The following XKR9 variants were observed in gnomAD, a reference collection of about 807,000 sequenced individuals.
XKR9 encodes XK-related protein 9.
Under a neutral mutation model 32.0 loss-of-function variants are expected in XKR9, and 32 were observed. That is an observed-to-expected ratio of 1.00 (90% confidence interval 0.76 to 1.34). The LOEUF is 1.34. Among genes scored for constraint, XKR9 ranks in the 40% most tolerant of loss-of-function variants. XKR9 has a pLI of 0.00. For synonymous variants in XKR9, 168 were observed against 143.4 expected, an observed-to-expected ratio of 1.17 and a Z score of -1.22; for missense variants, 546 against 429.7, an observed-to-expected ratio of 1.27 and a Z score of -2.39.
At chr8:70,692,179 C>T (rs115075040) in intron 3 of XKR9, among the ~76,000 whole-genome samples, 1,585 of 151,970 alleles carry the variant, frequency 0.01, 26 homozygotes, top group African/African-American at 0.036. Context: ...TTGGTGGCAA[C>T]TGTGAATGGT....
the XKR9 span, among the ~76,000 whole-genome samples, chr8:70,867,116 A>C: frequency 6.6e-6 from 1 of 152,190 alleles, no homozygotes; most frequent in Non-Finnish European, 1.5e-5. Context: ...GGGAGGCCTC[A>C]CAATCATGGC....
chr8:70,984,873 G>A, the XKR9 span, among the ~76,000 whole-genome samples: 1 of 152,186 alleles, frequency 6.6e-6, no homozygotes, highest in African/African-American at 2.4e-5. Context: ...TGGAAAGTCT[G>A]TAAAATGTAA....
chr8:70,971,528 T>C, the XKR9 span, among the ~76,000 whole-genome samples: 1 of 152,180 alleles, frequency 6.6e-6, no homozygotes, highest in Non-Finnish European at 1.5e-5. Context: ...GGTCATGAAA[T>C]CTTTGCCTAA....
At chr8:70,670,819 C>G in intron 1 of XKR9, among the ~76,000 whole-genome samples, 1 of 152,288 alleles carries the variant, frequency 6.6e-6, no homozygotes, top group East Asian at 1.9e-4. Flanking sequence ...AACCAAATCT[C>G]CTACATCAGG....
the XKR9 span, among the ~76,000 whole-genome samples, chr8:71,027,906 A>G: frequency 6.6e-6 from 1 of 151,604 alleles, no homozygotes; most frequent in Admixed American, 6.6e-5. Context: ...AGTAGCTGGG[A>G]CTACAGGAGT....
chr8:71,013,110 T>C, the XKR9 span, among the ~76,000 whole-genome samples: 1 of 152,090 alleles, frequency 6.6e-6, no homozygotes, highest in African/African-American at 2.4e-5. Context: ...GAAGTTGAAA[T>C]AATTGCGGTA....
intron 2 of XKR9, among the ~76,000 whole-genome samples, chr8:70,773,995 AT>A (rs34711620): frequency 0.32 from 48,526 of 151,946 alleles, 9,119 homozygotes; most frequent in Non-Finnish European, 0.43. Context: ...ATACTTTTCA[AT>A]TTTTCTTTGT....
the XKR9 span, among the ~76,000 whole-genome samples, chr8:70,847,073 G>T: frequency 6.6e-6 from 1 of 151,580 alleles, no homozygotes. Context: ...CATTCTCCAG[G>T]GTAGATCATA....
the XKR9 span, among the ~76,000 whole-genome samples, chr8:70,830,770 C>A: frequency 1.4e-3 from 206 of 152,228 alleles, 1 homozygote; most frequent in South Asian, 1.0e-2. Context: ...CTCACAACTA[C>A]CTTATGAAGT....
At chr8:70,913,007 C>T in the XKR9 span, among the ~76,000 whole-genome samples, 2 of 152,098 alleles carry the variant, frequency 1.3e-5, no homozygotes, top group South Asian at 4.1e-4. Context: ...TTTTCTAGCA[C>T]ATGAAAAAAA....
intron 2 of XKR9, among the ~76,000 whole-genome samples, chr8:70,750,101 T>G (rs1807117847): frequency 6.6e-6 from 1 of 152,196 alleles, no homozygotes; most frequent in African/African-American, 2.4e-5. Context: ...TTTCTCTTAT[T>G]TTTTTCTGGA....
chr8:70,858,042 T>C, the XKR9 span, among the ~76,000 whole-genome samples: 1 of 152,174 alleles, frequency 6.6e-6, no homozygotes, highest in Non-Finnish European at 1.5e-5. Flanking sequence ...AGCATTCCCT[T>C]TGAAAACTGG....
At chr8:70,797,404 C>T in the XKR9 span, among the ~76,000 whole-genome samples, 6 of 152,190 alleles carry the variant, frequency 3.9e-5, no homozygotes, top group East Asian at 9.7e-4. Flanking sequence ...CTTGGATTTG[C>T]ATGTGGATTC....
the XKR9 span, among the ~76,000 whole-genome samples, chr8:70,828,090 G>A: frequency 1.3e-5 from 2 of 152,282 alleles, no homozygotes; most frequent in Admixed American, 1.3e-4. Context: ...AAATAGATAA[G>A]ATGGGAGCAA....
chr8:70,670,258 G>C (rs1159322358), intron 1 of XKR9, among the ~76,000 whole-genome samples: 1 of 152,020 alleles, frequency 6.6e-6, no homozygotes, highest in Non-Finnish European at 1.5e-5. Flanking sequence ...TGCCCAGAGA[G>C]CTAGGCTGGT....
the XKR9 span, among the ~76,000 whole-genome samples, chr8:70,849,946 T>A: frequency 6.7e-6 from 1 of 150,216 alleles, no homozygotes; most frequent in Non-Finnish European, 1.5e-5. Context: ...AATAGACCGA[T>A]AACAAGTTCT....
At chr8:70,785,456 C>T (rs1473900238) in intron 2 of XKR9, among the ~76,000 whole-genome samples, 2 of 151,522 alleles carry the variant, frequency 1.3e-5, no homozygotes, top group Non-Finnish European at 2.9e-5. Context: ...AACTCATTTT[C>T]ATTGATTAAC....
downstream of XKR9, among the ~76,000 whole-genome samples, chr8:70,739,393 C>T (rs533596687): frequency 0.019 from 2,913 of 152,268 alleles, 83 homozygotes; most frequent in African/African-American, 0.067. Context: ...CTGAATACAG[C>T]ACACTGATGG....
intron 2 of XKR9, among the ~76,000 whole-genome samples, chr8:70,770,846 G>A (rs931944221): frequency 1.3e-5 from 2 of 152,166 alleles, no homozygotes; most frequent in African/African-American, 4.8e-5. Flanking sequence ...AACTTGTTGG[G>A]ATCTGTGTGG....
Sources: allele counts gnomAD v4.1 joint callset (sites outside exome capture counted in the v4.1 genomes callset), GRCh38; gene constraint gnomAD v4.1.1; transcripts MANE v1.5; gene names NCBI Gene and HGNC (gene_info 2026-07-23, HGNC 2026-07-21).